Variants in ADGRV1 observed in about 807,000 individuals in gnomAD.
ADGRV1 encodes G-protein coupled receptor 98.
A neutral mutation model predicts 596.2 loss-of-function variants in ADGRV1; 359 were observed. The ratio of observed to expected loss-of-function variants is 0.60; its 90% CI spans 0.55 to 0.66. ADGRV1 has a LOEUF of 0.66. Among genes scored for constraint, ADGRV1 ranks in the 30% least tolerant of loss-of-function variants. ADGRV1 has a pLI of 0.00. For synonymous variants in ADGRV1, 2,681 were observed against 2,679.2 expected (o/e 1.00, Z -0.02); for missense variants, 7,274 against 7,575.6 (o/e 0.96, Z 1.48).
At chr5:90,708,220 A>G (rs1748866073) in intron 38 of ADGRV1, among the ~76,000 whole-genome samples, 2 of 152,040 alleles carry the variant, frequency 1.3e-5, no homozygotes, top group Admixed American at 6.6e-5. Flanking sequence ...TTTCATTGCT[A>G]TTATGTGGAC....
At chr5:90,692,305 A>G (rs1205945333) in intron 31 of ADGRV1, among the ~76,000 whole-genome samples, 1 of 152,144 alleles carries the variant, frequency 6.6e-6, no homozygotes, top group East Asian at 1.9e-4. Context: ...TATTATTGAA[A>G]TGGTAAACAT....
intron 60 of ADGRV1, among the ~76,000 whole-genome samples, chr5:90,775,951 T>C (rs181333572): frequency 4.6e-5 from 7 of 152,300 alleles, no homozygotes; most frequent in Admixed American, 1.3e-4. Context: ...ATATGGATAC[T>C]CAAATACTTG....
Position 90,694,712 on chromosome 5 carries a change from GT to G in ADGRV1, c.7945+13del, listed in dbSNP as rs1266329196. 6.5e-7 allele frequency: 1 copy of G among 1,540,640 alleles called. No homozygotes were observed. Among genetic ancestry groups the G allele is most frequent in the Non-Finnish European group, 8.7e-7 (1 of 1,146,884 alleles). The stretch of plus-strand genomic sequence containing the variant: ...TGACCTTTGCTGAAGGTGAGCAATG[GT>G]TCTAAATGAATTTCCGTTGCCCCAG... On this transcript the variant is annotated intron_variant, in intron 33 of 89. Coordinates refer to ENST00000405460, the MANE Select transcript of ADGRV1 (RefSeq NM_032119.4).
In ADGRV1 at chr5:90,675,296, C is replaced by T; in HGVS notation, c.5164C>T (p.Leu1722=). The change falls in exon 24 of 90, where the codon CTG becomes TTG. Residue 1722 remains leucine, a synonymous_variant. Coordinates refer to ENST00000405460, the MANE Select transcript of ADGRV1 (RefSeq NM_032119.4). ...TCCTCAGCCTAAGGACGCAATGACC[C>T]TGCCTGCAAGCAGCGTTCCACATAT... ...LPPQPKDAMT[L]PASSVPHITV... 6.2e-7 allele frequency: 1 copy of T among 1,613,806 alleles called. No individual in the cohort carries two copies.
chr5:90,840,584 A>C lies in ADGRV1; in HGVS notation c.16618A>C (p.Arg5540=). 1 of 1,596,824 alleles carries C rather than the reference A, an allele frequency of 6.3e-7. No individual in the cohort carries two copies. The highest frequency in any genetic ancestry group is 8.6e-7 in the Non-Finnish European group (1 of 1,169,192). Residue 5540 remains arginine (R), a synonymous_variant, in exon 78 of 90, where the codon AGG becomes CGG. Coordinates refer to ENST00000405460, the MANE Select transcript of ADGRV1 (RefSeq NM_032119.4). ...MSVNFSTQEL[R]SAETIGRTII... is the part of the protein sequence containing the mutation. Reference sequence around the variant, plus strand: ...GGTGTTGTTTAATTTCTAGGAGTTGAGGAGTGCTGAAACAATTGGTCGTAC... The same window carrying C: ...GGTGTTGTTTAATTTCTAGGAGTTGCGGAGTGCTGAAACAATTGGTCGTAC...
intron 21 of ADGRV1, among the ~76,000 whole-genome samples, chr5:90,662,733 G>C (rs192575093): frequency 3.3e-5 from 5 of 151,888 alleles, no homozygotes; most frequent in African/African-American, 4.8e-5. Context: ...CTAGCATTAG[G>C]TATATCTCCC....
rs537109504 is a variant in ADGRV1 at position 91,018,264 on chromosome 5, T to C, written c.18152+32742T>C. On this transcript the variant is annotated intron_variant, in intron 85 of 89. Transcript: ENST00000405460. ...GACTGCAATTCTCCCTGCCCTTAAA[T>C]ATGTGGAGTTAACTGAAGCTCCAGA... Among the ~76,000 whole-genome samples the C allele has an allele frequency of 2.6e-5, 4 of 152,060 alleles. No individual in the cohort carries two copies. The East Asian group carries it at 7.8e-4, about 29-fold the overall frequency.
At chr5:91,117,801 G>C (rs914142596) in intron 87 of ADGRV1, among the ~76,000 whole-genome samples, 2 of 152,208 alleles carry the variant, frequency 1.3e-5, no homozygotes, top group African/African-American at 2.4e-5. Context: ...CTTACTCTGG[G>C]TATCATTGGG....
At chr5:90,576,904 C>A (rs1023113440) in intron 1 of ADGRV1, among the ~76,000 whole-genome samples, 2 of 152,152 alleles carry the variant, frequency 1.3e-5, no homozygotes, top group Admixed American at 6.6e-5. Flanking sequence ...TTGGCTGCAT[C>A]AGTGACTTCT....
intron 83 of ADGRV1, among the ~76,000 whole-genome samples, chr5:90,894,270 T>C (rs1204056704): frequency 6.6e-6 from 1 of 152,194 alleles, no homozygotes; most frequent in Non-Finnish European, 1.5e-5. Context: ...TCAAACCTTT[T>C]TCCAGCTCCA....
chr5:90,859,923 T>TAAA (rs575648968), intron 82 of ADGRV1, among the ~76,000 whole-genome samples: 8 of 117,448 alleles, frequency 6.8e-5, no homozygotes, highest in Non-Finnish European at 8.9e-5. Flanking sequence ...GTACAAAAAG[T>TAAA]AAAAAAAAAA....
At chr5:90,709,995 A>C (rs534888679) in intron 39 of ADGRV1, among the ~76,000 whole-genome samples, 1 of 152,222 alleles carries the variant, frequency 6.6e-6, no homozygotes, top group East Asian at 1.9e-4. Flanking sequence ...AATATGCCCC[A>C]AATCACACAG....
chr5:90,785,058 G>T (rs550210671), intron 67 of ADGRV1, among the ~76,000 whole-genome samples: 109 of 152,184 alleles, frequency 7.2e-4, no homozygotes, highest in African/African-American at 2.6e-3. Flanking sequence ...CGTGGTACTG[G>T]TACCAAAACA....
chr5:91,082,189 A>G (rs1737913577), intron 86 of ADGRV1, among the ~76,000 whole-genome samples: 1 of 152,250 alleles, frequency 6.6e-6, no homozygotes, highest in Non-Finnish European at 1.5e-5. Context: ...TATCACTGCC[A>G]TGCCATACCA....
At chr5:90,964,218 T>G (rs946714210) in intron 83 of ADGRV1, among the ~76,000 whole-genome samples, 2 of 152,096 alleles carry the variant, frequency 1.3e-5, no homozygotes, top group Admixed American at 6.5e-5. Flanking sequence ...CACATTATTG[T>G]TTTTTTAATA....
chr5:90,980,672 T>G (rs895514787), intron 84 of ADGRV1, among the ~76,000 whole-genome samples: 2 of 152,192 alleles, frequency 1.3e-5, no homozygotes. Flanking sequence ...TAAGCTATGT[T>G]TAGTTAGCAT....
chr5:90,701,596 G>A (rs538805687), intron 34 of ADGRV1, among the ~76,000 whole-genome samples: 2 of 152,044 alleles, frequency 1.3e-5, no homozygotes, highest in African/African-American at 4.8e-5. Context: ...GTGCGCATGT[G>A]TTTGTGTATA....
At chr5:90,710,941 A>T in intron 39 of ADGRV1, 40 bp from the exon 40 acceptor site, 1 of 1,170,682 alleles carries the variant, frequency 8.5e-7, no homozygotes. Context: ...ATTTTTAATC[A>T]TTTATATGTA....
chr5:91,128,715 C>G (rs745391905), intron 87 of ADGRV1, among the ~76,000 whole-genome samples: 1 of 152,170 alleles, frequency 6.6e-6, no homozygotes, highest in Non-Finnish European at 1.5e-5. Flanking sequence ...GGTAATTCTA[C>G]TGTCCTTGCA....
Sources: allele counts gnomAD v4.1 joint callset (sites outside exome capture counted in the v4.1 genomes callset), GRCh38; gene constraint gnomAD v4.1.1; transcripts MANE v1.5; gene names NCBI Gene and HGNC (gene_info 2026-07-23, HGNC 2026-07-21).